The following CARF variants were observed in gnomAD, a reference collection of about 807,000 sequenced individuals.
The protein encoded by CARF is calcium-responsive transcription factor.
CARF carries 57 observed loss-of-function variants against 82.0 expected under a neutral mutation model. The observed-to-expected ratio is 0.70, with a 90% CI of 0.56 to 0.87. The LOEUF (loss-of-function observed/expected upper bound fraction) is 0.87. Ranked by LOEUF, CARF falls within the 40% of genes least tolerant of loss-of-function variation. The pLI is 0.00. For synonymous variants in CARF, 268 were observed against 290.1 expected (o/e 0.92, Z 0.77); for missense variants, 771 against 855.8 (o/e 0.90, Z 1.24).
At position 202,964,687 on chromosome 2, in the gene CARF, C is replaced by CG. The variant is rs750339297; in HGVS notation, c.833-2291_833-2290insG. Among the ~76,000 whole-genome samples the CG allele has an allele frequency of 4.6e-5, 7 of 152,014 alleles. No individual in the cohort carries two copies. The East Asian group carries it at 9.6e-4, about 21-fold the overall frequency. ...TAAGAAACCCCATGACTCTAGGTAT[C>CG]TATCTTCCAGCTTCAACAACTATCA... On this transcript the variant is annotated intron_variant, in intron 9 of 16. Coordinates refer to ENST00000438828, the MANE Select transcript of CARF (RefSeq NM_024744.17).
In CARF at chr2:202,955,737, C is replaced by T. The variant is rs1330541755; in HGVS notation, c.621C>T (p.Ala207=). ...TTTCTTCTAATACACCTATATGGGC[C>T]TGCCGTCTTAGGAGCTGTGAGGTGA... is the stretch of plus-strand genomic sequence containing the variant. ...QPLSSNTPIW[A]CRLRSCEKIG... is the part of the protein sequence containing the mutation. Residue 207 remains alanine (A), a synonymous_variant, in exon 8 of 17, where the codon GCC becomes GCT. Transcript: ENST00000438828. 1.2e-6 allele frequency: 2 copies of T among 1,611,466 alleles called. No individual in the cohort carries two copies. Among genetic ancestry groups the T allele is most frequent in the Admixed American group, 3.3e-5 (2 of 59,802 alleles).
At position 202,981,181 on chromosome 2, in the gene CARF, G is replaced by T. The variant is rs569626625; in HGVS notation, c.1559-374G>T. ...CCACAGACCCAGGGTGGAGAGTTGG[G>T]GGGATGGTTTTGGGATTAAACTGTT... On this transcript the variant is annotated intron_variant, in intron 14 of 16. Coordinates refer to ENST00000438828, the MANE Select transcript of CARF (RefSeq NM_024744.17). Among the ~76,000 whole-genome samples the T allele has an allele frequency of 2.0e-5, 3 of 152,302 alleles. No individual in the cohort carries two copies. In the East Asian group the frequency reaches 5.8e-4, roughly 29 times the overall value.
At position 202,953,498 on chromosome 2, in the gene CARF, G is replaced by GTTTTTTTT. The variant is rs67855316; in HGVS notation, c.428-495_428-488dup. On this transcript the variant is annotated intron_variant, in intron 6 of 16. Transcript: ENST00000438828. ...ATATGCCTATTACTCTTTTTTTGTT[G>GTTTTTTTT]TTTTTTTTTTTTTTTTTTTGCTTTC... Among the ~76,000 whole-genome samples, 183 of 70,262 alleles carry GTTTTTTTT rather than the reference G, an allele frequency of 2.6e-3. 2 individuals carry two copies. The highest frequency in any genetic ancestry group is 3.2e-3 in the Non-Finnish European group (129 of 40,242). 46.1% of individuals were successfully genotyped at this position (70,262 alleles called of 152,430 possible).
In CARF at chr2:202,919,496, G is replaced by C. The variant is rs543681550; in HGVS notation, c.-163+1453G>C. 4.6e-5 allele frequency among the ~76,000 whole-genome samples: 7 copies of C among 152,270 alleles called. No individual in the cohort carries two copies. The East Asian group carries it at 1.3e-3, about 29-fold the overall frequency. On this transcript the variant is annotated intron_variant, in intron 2 of 16. Transcript: ENST00000438828. ...CTTCCTAAACTCCACTTCTCAATCT[G>C]TTCTACCTAATGTTTTTTCAGTGAC...
At chr2:202,961,871 T>C (rs1007575982) in intron 9 of CARF, 25 of 188,778 alleles carry the variant, frequency 1.3e-4, no homozygotes, top group African/African-American at 6.0e-4. Context: ...AATCTAGAGT[T>C]ATAGAATTCT....
Position 202,981,657 on chromosome 2 carries a change from T to G in CARF, c.1661T>G (p.Phe554Cys), listed in dbSNP as rs763795841. 6.2e-7 allele frequency: 1 copy of G among 1,612,020 alleles called. No homozygotes were observed. Among genetic ancestry groups the G allele is most frequent in the South Asian group, 1.1e-5 (1 of 90,630 alleles). ...PTHLLSSLSS[F>C]QPKIFTQLQG... Reference sequence around the variant, plus strand: ...CACTTGCTCTCCTCACTCTCCTCATTTCAGCCCAAAATATTTACACAACTA... The same window carrying G: ...CACTTGCTCTCCTCACTCTCCTCATGTCAGCCCAAAATATTTACACAACTA... The change falls in exon 15 of 17, where the codon TTT becomes TGT. Residue 554 changes from phenylalanine (F) to cysteine (C), a missense_variant. By Grantham distance (205) the Phe-to-Cys change is radical (BLOSUM62 -2). Coordinates refer to ENST00000438828, the MANE Select transcript of CARF (RefSeq NM_024744.17).
chr2:202,972,750 C>T (rs534549787), intron 12 of CARF, among the ~76,000 whole-genome samples: 2 of 150,478 alleles, frequency 1.3e-5, no homozygotes, highest in South Asian at 2.1e-4. Flanking sequence ...TGCCTATTAC[C>T]GTGATTTATG....
intron 14 of CARF, 134 bp from the exon 15 acceptor site, chr2:202,981,421 C>T: frequency 1.6e-6 from 1 of 643,048 alleles, no homozygotes; most frequent in South Asian, 2.6e-5. Context: ...GGCTAGATGA[C>T]TTATTGAAGT....
At position 202,986,868 on chromosome 2, in the gene CARF, G is replaced by GTATATATATATATATATACATA. The variant is rs2060444343; in HGVS notation, c.*3262_*3263insCATATATATATATATATATATA. 6.7e-5 allele frequency: 2 copies of GTATATATATATATATATACATA among 29,638 alleles called. No individual in the cohort carries two copies. The highest frequency in any genetic ancestry group is 1.5e-4 in the African/African-American group (2 of 13,012). The allele number at this position is 29,638 out of a possible 1,614,324, so 1.8% of individuals were successfully genotyped here. A position where few individuals can be genotyped will look rare whatever the true frequency, so the allele number is the denominator to read the frequency against. ...AAAGAGGTTTAAAAAATGTCTGTGC[G>GTATATATATATATATATACATA]TATATATATATATATATATATATAT... is the stretch of plus-strand genomic sequence containing the variant. On this transcript the variant is annotated 3_prime_UTR_variant, in exon 17 of 17. Transcript: ENST00000438828.
At chr2:202,942,025 G>A (rs747105238) in intron 4 of CARF, 45 bp downstream of exon 4, 12 of 1,444,370 alleles carry the variant, frequency 8.3e-6, no homozygotes. Flanking sequence ...GGGTAAAACA[G>A]CATGCCATTT....
intron 2 of CARF, among the ~76,000 whole-genome samples, 181 bp from the exon 3 acceptor site, chr2:202,924,116 A>AT (rs965509750): frequency 2.0e-5 from 3 of 152,156 alleles, no homozygotes; most frequent in Non-Finnish European, 4.4e-5. Context: ...CATCTTGCCA[A>AT]TTTTTTTAGT....
intron 14 of CARF, among the ~76,000 whole-genome samples, chr2:202,979,263 A>G (rs1278161738): frequency 6.6e-6 from 1 of 152,188 alleles, no homozygotes; most frequent in African/African-American, 2.4e-5. Flanking sequence ...TCTCAAAAAA[A>G]GAATAAAAAT....
rs2060303364 is a variant in CARF at position 202,982,418 on chromosome 2, T to A, written c.2036T>A (p.Ile679Asn). ...LGDVQTIPIQ[I>N]IDNHSALIEE... ...GATGTGCAGACTATTCCAATACAGA[T>A]TATAGACAACCACTCAGCTCTTAGT... Residue 679 changes from isoleucine to asparagine, a missense_variant, in exon 16 of 17, where the codon ATT becomes AAT. Transcript: ENST00000438828. 6.2e-7 allele frequency: 1 copy of A among 1,613,920 alleles called. No individual in the cohort carries two copies. The highest frequency in any genetic ancestry group is 1.3e-5 in the African/African-American group (1 of 74,914).
Position 202,974,477 on chromosome 2 carries a change from CAG to C in CARF, c.1479_1480del (p.Glu493AspfsTer50). 1 of 1,599,158 alleles carries C rather than the reference CAG, an allele frequency of 6.3e-7. No homozygotes were observed. Reference sequence around the variant, plus strand: ...AGAAATGGAGATACGGTATATAACTCAGAGATTATTCCAGCAACGGTATGATT... The same window carrying C: ...AGAAATGGAGATACGGTATATAACTCAGATTATTCCAGCAACGGTATGATT... On this transcript the variant is annotated frameshift_variant, in exon 13 of 17. Coordinates refer to ENST00000438828, the MANE Select transcript of CARF (RefSeq NM_024744.17). LOFTEE classifies it high-confidence loss of function.
chr2:202,951,603 G>C (rs1385008674), intron 5 of CARF, among the ~76,000 whole-genome samples: 1 of 151,860 alleles, frequency 6.6e-6, no homozygotes, highest in Non-Finnish European at 1.5e-5. Context: ...CCAAATGATA[G>C]GTCCAAAAGT....
intron 3 of CARF, among the ~76,000 whole-genome samples, chr2:202,934,287 A>G (rs1693515107): frequency 6.6e-6 from 1 of 152,272 alleles, no homozygotes; most frequent in Admixed American, 6.5e-5. Flanking sequence ...TGAGAGGAAC[A>G]CACGTTCTTT....
At chr2:202,913,839 G>A (rs1689107440) in intron 1 of CARF, among the ~76,000 whole-genome samples, 1 of 152,204 alleles carries the variant, frequency 6.6e-6, no homozygotes, top group Non-Finnish European at 1.5e-5. Flanking sequence ...GTACCTGACA[G>A]TAGAGTTTGA....
At chr2:202,960,947 A>T (rs1442522157) in intron 8 of CARF, among the ~76,000 whole-genome samples, 2 of 152,228 alleles carry the variant, frequency 1.3e-5, no homozygotes, top group African/African-American at 4.8e-5. Context: ...ATCTGAAAGA[A>T]TTGATATACA....
intron 3 of CARF, among the ~76,000 whole-genome samples, chr2:202,931,254 G>T (rs1188117974): frequency 1.3e-5 from 2 of 152,094 alleles, no homozygotes; most frequent in African/African-American, 4.8e-5. Context: ...TTACAGGTGT[G>T]AGCCACTGCT....
Sources: gnomAD v4.1 joint callset for allele counts (sites outside exome capture counted in the v4.1 genomes callset) on GRCh38, gnomAD v4.1.1 for gene constraint, MANE v1.5 for transcripts, NCBI Gene and HGNC (gene_info 2026-07-23, HGNC 2026-07-21) for gene names.